Variants in SHANK2 observed in about 807,000 individuals in gnomAD.
SHANK2 encodes SH3 and multiple ankyrin repeat domains protein 2.
Under a neutral mutation model 133.7 loss-of-function variants are expected in SHANK2, and 43 were observed. That is an observed-to-expected ratio of 0.32 (90% CI 0.25 to 0.41). The LOEUF is 0.41. Among genes scored for constraint, SHANK2 ranks in the 10% least tolerant of loss-of-function variants. The pLI, the probability that SHANK2 is intolerant of heterozygous loss-of-function variation, is 1.00. For synonymous variants in SHANK2, 1,017 were observed against 952.8 expected (o/e 1.07, Z -1.24); for missense variants, 1,994 against 2,235.8 (o/e 0.89, Z 2.18).
chr11:70,737,953 G>A (rs370007445), intron 14 of SHANK2, among the ~76,000 whole-genome samples: 1 of 152,242 alleles, frequency 6.6e-6, no homozygotes, highest in African/African-American at 2.4e-5. Context: ...GGTGAGCCGC[G>A]GAGACGTGGG....
intron 2 of SHANK2, among the ~76,000 whole-genome samples, chr11:71,216,532 A>G (rs1954418628): frequency 6.6e-6 from 1 of 152,200 alleles, no homozygotes; most frequent in Non-Finnish European, 1.5e-5. Flanking sequence ...GAATATAAAA[A>G]AAGATTACTC....
intron 2 of SHANK2, among the ~76,000 whole-genome samples, chr11:71,165,844 T>G (rs1953134063): frequency 6.6e-6 from 1 of 152,062 alleles, no homozygotes; most frequent in Admixed American, 6.5e-5. Flanking sequence ...TCCCGGCTGA[T>G]CTCACAGTCC....
At chr11:70,599,909 A>AAGAAAGAAAGAAAGAAAGAAAGAAAGAT (rs2060463280) in intron 17 of SHANK2, among the ~76,000 whole-genome samples, 2 of 37,506 alleles carry the variant, frequency 5.3e-5, no homozygotes, top group African/African-American at 2.3e-4. Flanking sequence ...AAGAAAGAGA[A>AAGAAAGAAAGAAAGAAAGAAAGAAAGAT]AGAAAGAAAG....
chr11:70,588,904 G>A (rs1158879848), intron 17 of SHANK2, among the ~76,000 whole-genome samples: 1 of 152,148 alleles, frequency 6.6e-6, no homozygotes. Flanking sequence ...TGCAAGCTCC[G>A]CCTCCCGGGT....
At chr11:70,587,907 G>C (rs781864039) in intron 17 of SHANK2, among the ~76,000 whole-genome samples, 40 of 152,148 alleles carry the variant, frequency 2.6e-4, no homozygotes, top group African/African-American at 3.6e-4. Flanking sequence ...TTTTCCAATA[G>C]CATGTGCTCA....
intron 9 of SHANK2, among the ~76,000 whole-genome samples, chr11:71,062,958 C>T (rs1435403197): frequency 4.5e-5 from 6 of 132,796 alleles, no homozygotes; most frequent in African/African-American, 1.7e-4. Context: ...GATCGTGCCA[C>T]TGCATTCCAG....
chr11:70,500,593 T>G lies in SHANK2; in HGVS notation c.2288-3A>C. The stretch of plus-strand genomic sequence containing the variant: ...ACCCTTCTTCTTCCGGACCGAGGCT[T>G]GCAAACAGAAAGGGGACCGCCATGA... On this transcript the variant is annotated splice_region_variant and splice_polypyrimidine_tract_variant and intron_variant, in intron 20 of 25. Transcript: ENST00000601538. This position sits in a 1 kb window ranked among gnomAD's most constrained non-coding sequence, Gnocchi z 4.5. 6.2e-7 allele frequency: 1 copy of G among 1,601,932 alleles called. No individual in the cohort carries two copies. Among genetic ancestry groups the G allele is most frequent in the Non-Finnish European group, 8.5e-7 (1 of 1,174,510 alleles).
chr11:70,633,532 A>C (rs141041922), intron 17 of SHANK2: 3 of 152,346 alleles, frequency 2.0e-5, no homozygotes, highest in Non-Finnish European at 4.4e-5. Flanking sequence ...TTGTACAAAC[A>C]GTGTTCAGCT....
rs191827240 is a variant in SHANK2, at chr11:70,659,846, G to A, written c.2043C>T (p.Thr681=). The A allele has an allele frequency of 6.2e-6, 10 of 1,614,074 alleles. No individual in the cohort carries two copies. The African/African-American group carries it at 8.0e-5, about 13-fold the overall frequency. The change falls in exon 17 of 26, where the codon ACC becomes ACT. Residue 681 remains threonine, a synonymous_variant. Coordinates refer to ENST00000601538, the MANE Select transcript of SHANK2 (RefSeq NM_012309.5). ...GGVAWQAGLR[T]GDFLIEVNNE... ...TCCCTACCTCAATCAAGAAGTCCCC[G>A]GTCCTTAGTCCGGCTTGCCACGCCA...
At chr11:71,120,595 T>C (rs782593841) in intron 3 of SHANK2, among the ~76,000 whole-genome samples, 10 of 152,104 alleles carry the variant, frequency 6.6e-5, no homozygotes, top group African/African-American at 9.7e-5. Flanking sequence ...TCCCTTCCAA[T>C]GTCAAAGGCT....
chr11:71,245,541 G>A (rs1954949769), intron 1 of SHANK2, among the ~76,000 whole-genome samples: 1 of 152,188 alleles, frequency 6.6e-6, no homozygotes, highest in African/African-American at 2.4e-5. Flanking sequence ...ACCTGAAAGT[G>A]AACAGAAAAA....
intron 17 of SHANK2, among the ~76,000 whole-genome samples, chr11:70,613,849 C>T (rs1036368639): frequency 2.7e-5 from 4 of 150,856 alleles, no homozygotes; most frequent in East Asian, 1.9e-4. Context: ...ACTGCAACCT[C>T]GGCCTCCCGG....
Position 70,502,741 on chromosome 11 carries a change from A to ACC in SHANK2, c.2197+53_2197+54dup, listed in dbSNP as rs1555159047. On this transcript the variant is annotated intron_variant, in intron 18 of 25. Coordinates refer to ENST00000601538, the MANE Select transcript of SHANK2 (RefSeq NM_012309.5). ...CCCCCCAGCTGTCCTGCCCGCCCCC[A>ACC]CCCCCCCCCCCCAGTAGGGCCCCAG... The ACC allele has an allele frequency of 6.4e-3, 2,464 of 385,062 alleles. 104 individuals are homozygous for ACC. The highest frequency in any genetic ancestry group is 0.012 in the East Asian group (139 of 11,410). 23.9% of individuals were successfully genotyped at this position (385,062 alleles called of 1,614,324 possible). A position where few individuals can be genotyped will look rare whatever the true frequency, so the allele number is the denominator to read the frequency against.
In SHANK2 at chr11:70,753,183, A is replaced by C. The variant is rs1225116907; in HGVS notation, c.1777+45260T>G. Reference sequence around the variant, plus strand: ...AACCAACAGAACTGTTAAAAAAAAAAAAACAAAAAACAAACAAAAAAAAAC... The same window carrying C: ...AACCAACAGAACTGTTAAAAAAAAACAAACAAAAAACAAACAAAAAAAAAC... On this transcript the variant is annotated intron_variant, in intron 14 of 25. Coordinates refer to ENST00000601538, the MANE Select transcript of SHANK2 (RefSeq NM_012309.5). Among the ~76,000 whole-genome samples, 3 of 151,970 alleles carry C rather than the reference A, an allele frequency of 2.0e-5. 1 individual carries two copies. Among genetic ancestry groups the C allele is most frequent in the South Asian group, 4.2e-4 (2 of 4,816 alleles).
At position 70,796,977 on chromosome 11, in the gene SHANK2, G is replaced by C. The variant is rs561210893; in HGVS notation, c.1777+1466C>G. The stretch of plus-strand genomic sequence containing the variant: ...GGACAGAAAGGAAGGCGGCACACCG[G>C]TTCTGAGAAGCTCTCTGCCCATTTC... On this transcript the variant is annotated intron_variant, in intron 14 of 25. Transcript: ENST00000601538. Among the ~76,000 whole-genome samples, 6 of 152,314 alleles carry C rather than the reference G, an allele frequency of 3.9e-5. No individual in the cohort carries two copies. The East Asian group carries it at 1.2e-3, about 29-fold the overall frequency.
chr11:71,093,916 T>C lies in SHANK2; in HGVS notation c.744+621A>G, dbSNP rs1024668348. On this transcript the variant is annotated intron_variant, in intron 7 of 25. Transcript: ENST00000601538. ...GGTGTGGGCTCTGGTGGAGGATGCCTGGGCGTGCACCACCCTGTCCAGAGG... is the reference window on the plus strand; with the variant it reads ...GGTGTGGGCTCTGGTGGAGGATGCCCGGGCGTGCACCACCCTGTCCAGAGG... Among the ~76,000 whole-genome samples the C allele has an allele frequency of 2.1e-4, 32 of 152,048 alleles. 1 individual carries two copies. Among genetic ancestry groups the C allele is most frequent in the Admixed American group, 2.0e-3 (30 of 15,272 alleles).
chr11:70,735,033 G>A (rs1355001112), intron 14 of SHANK2, among the ~76,000 whole-genome samples: 5 of 152,180 alleles, frequency 3.3e-5, no homozygotes, highest in African/African-American at 4.8e-5. Flanking sequence ...GGCCAGTCCC[G>A]TGTCTGGGCT....
At chr11:71,153,140 C>T (rs1393415202) in intron 2 of SHANK2, among the ~76,000 whole-genome samples, 4 of 152,050 alleles carry the variant, frequency 2.6e-5, no homozygotes, top group Non-Finnish European at 5.9e-5. Context: ...ACCAGCACGC[C>T]GGGAGGCTCC....
At chr11:70,598,102 T>C (rs148713924) in intron 17 of SHANK2, among the ~76,000 whole-genome samples, 1,652 of 152,286 alleles carry the variant, frequency 0.011, 10 homozygotes, top group Middle Eastern at 0.031. Flanking sequence ...ACTCTGGCCA[T>C]GCGCTGGAGT....
Sources: allele counts gnomAD v4.1 joint callset (sites outside exome capture counted in the v4.1 genomes callset), GRCh38; gene constraint gnomAD v4.1.1; non-coding constraint Gnocchi (gnomAD v3.1); transcripts MANE v1.5; gene names NCBI Gene and HGNC (gene_info 2026-07-23, HGNC 2026-07-21).